CDR2: variants seen among roughly 807,000 people sequenced by gnomAD.
CDR2 encodes cerebellar degeneration-related protein 2.
Under a neutral mutation model 48.4 loss-of-function variants are expected in CDR2, and 34 were observed. The ratio of observed to expected loss-of-function variants is 0.70; its 90% confidence interval spans 0.53 to 0.94. CDR2 has a LOEUF of 0.94. CDR2 is among the 40% of genes least tolerant of loss of function. CDR2 has a pLI of 0.00. For missense variants in CDR2, 498 were observed against 549.5 expected (o/e 0.91, Z 0.94); for synonymous variants, 240 against 219.7 (o/e 1.09, Z -0.82).
In CDR2 at chr16:22,364,940, TC is replaced by T. The variant is rs2049035426; in HGVS notation, c.153del (p.Met52CysfsTer15). 2 of 1,613,394 alleles carry T rather than the reference TC, an allele frequency of 1.2e-6. No homozygotes were observed. The highest frequency in any genetic ancestry group is 4.5e-5 in the East Asian group (2 of 44,878). On this transcript the variant is annotated frameshift_variant, in exon 2 of 5. Transcript: ENST00000268383. LOFTEE classifies it high-confidence loss of function. ...RNTELEDSVQQMYTTNQEQLQ... is the reference protein window; with the variant it reads ...RNTELEDSVQXMYTTNQEQLQ... ...AACTGCTCCTGATTGGTTGTATACA[TC>T]TGCTGAACAGAGTCCTCCAACTCTG...
chr16:22,359,147 A>C (rs1163857008), intron 2 of CDR2, among the ~76,000 whole-genome samples: 1 of 150,816 alleles, frequency 6.6e-6, no homozygotes, highest in Non-Finnish European at 1.5e-5. Context: ...TTTTTTTTTG[A>C]GACGGAGTCT....
In CDR2 at chr16:22,370,290, A is replaced by C. The variant is rs550322758; in HGVS notation, c.79+3941T>G. Among the ~76,000 whole-genome samples the C allele has an allele frequency of 7.2e-5, 11 of 152,348 alleles. No individual in the cohort carries two copies. In the East Asian group the frequency reaches 1.9e-3, roughly 27 times the overall value. Reference sequence around the variant, plus strand: ...AATTGGGAAAGCAGAAAACCTGAATATAAATATCAAGAAAAATGATGTTGT... The same window carrying C: ...AATTGGGAAAGCAGAAAACCTGAATCTAAATATCAAGAAAAATGATGTTGT... On this transcript the variant is annotated intron_variant, in intron 1 of 4. Transcript: ENST00000268383.
intron 1 of CDR2, among the ~76,000 whole-genome samples, chr16:22,369,900 G>A (rs1046646221): frequency 3.9e-5 from 6 of 152,146 alleles, no homozygotes; most frequent in African/African-American, 1.4e-4. Flanking sequence ...CATCTCTACA[G>A]GATTACAAAA....
At chr16:22,358,377 TCTCA>T (rs1011252958) in intron 2 of CDR2, among the ~76,000 whole-genome samples, 1 of 152,300 alleles carries the variant, frequency 6.6e-6, no homozygotes, top group South Asian at 2.1e-4. Context: ...CTTGGGTTTA[TCTCA>T]CTGTCTAGGA....
In CDR2 at chr16:22,347,718, C is replaced by T. The variant is rs765074249; in HGVS notation, c.612G>A (p.Met204Ile). 1 of 1,614,168 alleles carries T rather than the reference C, an allele frequency of 6.2e-7. No individual in the cohort carries two copies. Among genetic ancestry groups the T allele is most frequent in the Non-Finnish European group, 8.5e-7 (1 of 1,180,050 alleles). Residue 204 changes from methionine (M) to isoleucine (I), a missense_variant, in exon 5 of 5, where the codon ATG (methionine) becomes ATA (isoleucine). Coordinates refer to ENST00000268383, the MANE Select transcript of CDR2 (RefSeq NM_001802.2). ...GCTCCAGGCTCAGCTGGGCCTGCAA[C>T]ATTGTCACTGTTTTTTTCAAGTGCT... is the stretch of plus-strand genomic sequence containing the variant. ...ENEHLKKTVTMLQAQLSLERQ... is the reference protein window; with the variant it reads ...ENEHLKKTVTILQAQLSLERQ...
chr16:22,349,047 G>T, intron 4 of CDR2: 2 of 417,874 alleles, frequency 4.8e-6, no homozygotes, highest in South Asian at 3.8e-5. Flanking sequence ...CTTAAACTAT[G>T]ATTTAATACA....
At chr16:22,353,898 T>G (rs1239479579) in intron 2 of CDR2, among the ~76,000 whole-genome samples, 1 of 152,186 alleles carries the variant, frequency 6.6e-6, no homozygotes, top group East Asian at 1.9e-4. Flanking sequence ...AACTAAGCAC[T>G]CATGAAGGTT....
chr16:22,351,286 C>T (rs528960190), intron 2 of CDR2, among the ~76,000 whole-genome samples: 24 of 152,134 alleles, frequency 1.6e-4, no homozygotes, highest in Non-Finnish European at 2.9e-4. Flanking sequence ...GGGTTGGTTC[C>T]AAGTCTTTGC....
chr16:22,374,502 C>T lies in CDR2; in HGVS notation c.-193G>A, dbSNP rs2049105408. The stretch of plus-strand genomic sequence containing the variant: ...CCGACCGGCCGGCTGCCTCGACTCG[C>T]CTCGCGCCTACCGACGGCCCCAACG... On this transcript the variant is annotated 5_prime_UTR_variant, in exon 1 of 5. Coordinates refer to ENST00000268383, the MANE Select transcript of CDR2 (RefSeq NM_001802.2). The T allele has an allele frequency of 4.2e-6, 1 of 235,930 alleles. No homozygotes were observed. Among genetic ancestry groups the T allele is most frequent in the African/African-American group, 2.3e-5 (1 of 43,502 alleles). The allele number at this position is 235,930 out of a possible 1,614,324, so 14.6% of individuals were successfully genotyped here.
intron 2 of CDR2, among the ~76,000 whole-genome samples, chr16:22,362,775 ACACGGTCT>A (rs1169265296): frequency 6.6e-6 from 1 of 152,216 alleles, no homozygotes; most frequent in Admixed American, 6.5e-5. Flanking sequence ...TAGACTAGAG[ACACGGTCT>A]CACTTTGTGG....
At chr16:22,351,766 C>T (rs984979862) in intron 2 of CDR2, among the ~76,000 whole-genome samples, 6 of 152,188 alleles carry the variant, frequency 3.9e-5, no homozygotes, top group African/African-American at 1.4e-4. Context: ...ATAATCCCAA[C>T]CTTAATGCCG....
chr16:22,347,185 G>T lies in CDR2; in HGVS notation c.1145C>A (p.Ser382Tyr), dbSNP rs150205065. The T allele has an allele frequency of 6.8e-6, 11 of 1,614,052 alleles. No individual in the cohort carries two copies. The highest frequency in any genetic ancestry group is 9.3e-6 in the Non-Finnish European group (11 of 1,179,998). ...DSLSHKAVQT[S>Y]RAAAKDLTGV... Reference sequence around the variant, plus strand: ...AGTCAGGTCCTTGGCTGCAGCCCTGGAGGTCTGCACAGCCTTGTGTGACAG... The same window carrying T: ...AGTCAGGTCCTTGGCTGCAGCCCTGTAGGTCTGCACAGCCTTGTGTGACAG... The change falls in exon 5 of 5, where the codon TCC becomes TAC. Residue 382 changes from serine (S) to tyrosine (Y), a missense_variant. By Grantham distance (144) the Ser-to-Tyr change is moderately radical (BLOSUM62 -2). Transcript: ENST00000268383.
At chr16:22,347,929 A>G (rs2048918586) in intron 4 of CDR2, 106 bp from the exon 5 acceptor site, 1 of 1,106,896 alleles carries the variant, frequency 9.0e-7, no homozygotes, top group Admixed American at 2.5e-5. Context: ...GAGCTGTGAC[A>G]GTGACTAATT....
intron 2 of CDR2, among the ~76,000 whole-genome samples, chr16:22,352,852 C>T (rs2048951478): frequency 6.6e-6 from 1 of 152,200 alleles, no homozygotes; most frequent in Non-Finnish European, 1.5e-5. Context: ...CCACCAGCTT[C>T]TTCTGGTCCT....
chr16:22,361,147 A>C (rs1379532233), intron 2 of CDR2, among the ~76,000 whole-genome samples: 5 of 152,204 alleles, frequency 3.3e-5, no homozygotes, highest in African/African-American at 4.8e-5. Flanking sequence ...AAAACAAGCT[A>C]AACTTAGGAT....
intron 2 of CDR2, among the ~76,000 whole-genome samples, chr16:22,358,561 A>G (rs1211969820): frequency 1.3e-5 from 2 of 152,226 alleles, no homozygotes. Context: ...GCAGGGAAAG[A>G]TAGAAACAAA....
chr16:22,347,803 A>C lies in CDR2; in HGVS notation c.527T>G (p.Val176Gly). Residue 176 changes from valine (V) to glycine (G), a missense_variant, in exon 5 of 5, where the codon GTG becomes GGG. Transcript: ENST00000268383. Reference protein sequence around the residue: ...DLRQHFVYDHVFAEKITSLQG... With the variant: ...DLRQHFVYDHGFAEKITSLQG... ...CAAGGAAGTGATCTTCTCAGCGAAC[A>C]CATGATCATACACGAAGTGTCTAGG... The C allele has an allele frequency of 6.2e-7, 1 of 1,613,166 alleles. No individual in the cohort carries two copies. Among genetic ancestry groups the C allele is most frequent in the Non-Finnish European group, 8.5e-7 (1 of 1,179,752 alleles).
At chr16:22,349,873 G>A in intron 2 of CDR2, 24 bp from the exon 3 acceptor site, 1 of 1,612,824 alleles carries the variant, frequency 6.2e-7, no homozygotes, top group South Asian at 1.1e-5. Flanking sequence ...TCAGGACCAG[G>A]TGACACAAAC....
At chr16:22,350,062 G>A (rs1390049525) in intron 2 of CDR2, among the ~76,000 whole-genome samples, 6 of 152,094 alleles carry the variant, frequency 3.9e-5, no homozygotes, top group African/African-American at 1.2e-4. Context: ...GGTGGCACAC[G>A]CCTGTAATCC....
Sources: allele counts gnomAD v4.1 joint callset (sites outside exome capture counted in the v4.1 genomes callset), GRCh38; gene constraint gnomAD v4.1.1; transcripts MANE v1.5; gene names NCBI Gene and HGNC (gene_info 2026-07-23, HGNC 2026-07-21).